The following KLHL8 variants were observed in gnomAD, a reference collection of about 807,000 sequenced individuals.
KLHL8 encodes kelch like family member 8, also known as kelch-like protein 8.
A neutral mutation model predicts 63.5 loss-of-function variants in KLHL8; 38 were observed. That is an observed-to-expected ratio of 0.60 (90% CI 0.46 to 0.78). The LOEUF (loss-of-function observed/expected upper bound fraction) is 0.78, where lower values mean the gene tolerates loss of function less well. Ranked by LOEUF, KLHL8 falls within the 30% of genes least tolerant of loss-of-function variation. The pLI is 0.00. For missense variants in KLHL8, 566 were observed against 752.4 expected (o/e 0.75, Z 2.90); for synonymous variants, 224 against 254.3 (o/e 0.88, Z 1.13).
intron 1 of KLHL8, among the ~76,000 whole-genome samples, chr4:87,204,633 T>G (rs1016376673): frequency 1.3e-5 from 2 of 152,150 alleles, no homozygotes; most frequent in African/African-American, 4.8e-5. Context: ...TACCTCACAA[T>G]AAAAAGGAAC....
intron 1 of KLHL8, among the ~76,000 whole-genome samples, chr4:87,197,524 CT>C (rs1731743519): frequency 6.6e-6 from 1 of 152,172 alleles, no homozygotes; most frequent in African/African-American, 2.4e-5. Context: ...TGGCCAATAG[CT>C]TTATTGCAGC....
At chr4:87,181,052 T>TA (rs1401301302) in intron 4 of KLHL8, among the ~76,000 whole-genome samples, 12 of 147,134 alleles carry the variant, frequency 8.2e-5, no homozygotes, top group South Asian at 2.1e-4. Flanking sequence ...ATTTTTTTAA[T>TA]AAAAAAAAAA....
chr4:87,215,587 C>T (rs1385374600), intron 1 of KLHL8, among the ~76,000 whole-genome samples: 1 of 152,152 alleles, frequency 6.6e-6, no homozygotes, highest in African/African-American at 2.4e-5. Flanking sequence ...ACTCTCCCAG[C>T]CTTGGGAATG....
chr4:87,166,802 C>T (rs907736145), intron 8 of KLHL8: 2 of 154,478 alleles, frequency 1.3e-5, no homozygotes, highest in African/African-American at 4.8e-5. Flanking sequence ...CTGAACACTA[C>T]AGCCAGGGCA....
upstream of KLHL8, among the ~76,000 whole-genome samples, chr4:87,222,152 C>G (rs1458414063): frequency 6.6e-6 from 1 of 152,152 alleles, no homozygotes; most frequent in Non-Finnish European, 1.5e-5. Flanking sequence ...ATTTGCCTTA[C>G]CTGATTTTTC....
At chr4:87,221,200 T>G, upstream of KLHL8, 1 of 152,072 alleles carries the variant, frequency 6.6e-6, no homozygotes, top group Non-Finnish European at 1.5e-5. Flanking sequence ...GTCGAGACCA[T>G]CCTGGCCAAC....
chr4:87,220,963 A>G (rs1485426368), upstream of KLHL8: 1 of 152,212 alleles, frequency 6.6e-6, no homozygotes, highest in Non-Finnish European at 1.5e-5. Flanking sequence ...AGAAGGGGAA[A>G]AAAAGGTTTG....
At chr4:87,236,319 C>A (rs545922048) in intron 1 of KLHL8, among the ~76,000 whole-genome samples, 32 of 151,860 alleles carry the variant, frequency 2.1e-4, no homozygotes, top group Middle Eastern at 3.4e-3. Flanking sequence ...AGTGATTCTC[C>A]TGCCTCAGCC....
intron 2 of KLHL8, among the ~76,000 whole-genome samples, chr4:87,193,582 A>G (rs1731576738): frequency 6.6e-6 from 1 of 152,198 alleles, no homozygotes; most frequent in African/African-American, 2.4e-5. Context: ...ACTCTACAAA[A>G]ACAATAAGAA....
chr4:87,178,395 A>T, intron 5 of KLHL8, 82 bp downstream of exon 5: 2 of 1,345,600 alleles, frequency 1.5e-6, no homozygotes, highest in Non-Finnish European at 2.0e-6. Flanking sequence ...TCATTTTCTT[A>T]TATAAAAATA....
chr4:87,164,802 A>G (rs1330321240), intron 8 of KLHL8, among the ~76,000 whole-genome samples: 1 of 152,138 alleles, frequency 6.6e-6, no homozygotes, highest in East Asian at 1.9e-4. Flanking sequence ...CTTTGGTGAC[A>G]GCCTAATTTA....
At chr4:87,238,934 T>C (rs1452435670) in intron 1 of KLHL8, among the ~76,000 whole-genome samples, 1 of 152,218 alleles carries the variant, frequency 6.6e-6, no homozygotes, top group East Asian at 1.9e-4. Context: ...AGCAGTCAAA[T>C]TTACCATTCC....
intron 5 of KLHL8, among the ~76,000 whole-genome samples, chr4:87,178,138 T>C (rs1730901252): frequency 6.6e-6 from 1 of 152,164 alleles, no homozygotes; most frequent in Non-Finnish European, 1.5e-5. Context: ...AAAAAATTAA[T>C]TGTACTAATA....
At chr4:87,201,061 T>G (rs1731900762) in intron 1 of KLHL8, among the ~76,000 whole-genome samples, 1 of 152,164 alleles carries the variant, frequency 6.6e-6, no homozygotes, top group Non-Finnish European at 1.5e-5. Flanking sequence ...TTCCACTGAT[T>G]CCACTTATAT....
chr4:87,229,439 G>C (rs201240841), intron 1 of KLHL8, among the ~76,000 whole-genome samples: 3 of 14,224 alleles, frequency 2.1e-4, no homozygotes, highest in Admixed American at 7.5e-4. Context: ...TTTTTTTGGT[G>C]GGGGGGGGTG....
At chr4:87,182,983 C>G (rs1181009774) in intron 4 of KLHL8, among the ~76,000 whole-genome samples, 1 of 151,780 alleles carries the variant, frequency 6.6e-6, no homozygotes, top group Non-Finnish European at 1.5e-5. Flanking sequence ...GTAGGCTCTT[C>G]AGAGTATACA....
intron 1 of KLHL8, among the ~76,000 whole-genome samples, chr4:87,226,837 AAT>A (rs71840554): frequency 0.061 from 429 of 6,976 alleles, 106 homozygotes; most frequent in Non-Finnish European, 0.083. Flanking sequence ...ATTTATAAAT[AAT>A]ATATATATTA....
chr4:87,230,067 G>A (rs1560725028), intron 1 of KLHL8, among the ~76,000 whole-genome samples: 1 of 152,070 alleles, frequency 6.6e-6, no homozygotes, highest in Non-Finnish European at 1.5e-5. Context: ...GCAATTTGAG[G>A]AGAGTTTAGT....
chr4:87,223,016 G>C (rs1441535415), upstream of KLHL8, among the ~76,000 whole-genome samples: 26 of 152,160 alleles, frequency 1.7e-4, no homozygotes, highest in African/African-American at 6.0e-4. Context: ...GCAGTGAGTA[G>C]CACAATCATG....
Sources: gnomAD v4.1 joint callset for allele counts (sites outside exome capture counted in the v4.1 genomes callset) on GRCh38, gnomAD v4.1.1 for gene constraint, MANE v1.5 for transcripts, NCBI Gene and HGNC (gene_info 2026-07-23, HGNC 2026-07-21) for gene names.